DDC: variants seen among roughly 807,000 people sequenced by gnomAD.
The protein encoded by DDC is aromatic-L-amino-acid decarboxylase.
In DDC, 43 loss-of-function variants were observed where a neutral mutation model predicts 60.0. That is an observed-to-expected ratio of 0.72 (90% CI 0.56 to 0.92). The LOEUF (loss-of-function observed/expected upper bound fraction) is 0.92, where lower values mean the gene tolerates loss of function less well. Among genes scored for constraint, DDC ranks in the 40% least tolerant of loss-of-function variants. The probability of loss-of-function intolerance (pLI) is 0.00; values close to 1 mark genes in which losing one functional copy is unlikely to be tolerated. For synonymous variants in DDC, 232 were observed against 234.6 expected, an observed-to-expected ratio of 0.99 and a Z score of 0.10; for missense variants, 573 against 620.2, an observed-to-expected ratio of 0.92 and a Z score of 0.81.
intron 7 of DDC, 142 bp from the exon 8 acceptor site, chr7:50,499,384 GC>G: frequency 2.9e-6 from 2 of 698,710 alleles, no homozygotes; most frequent in South Asian, 1.5e-5. Flanking sequence ...TCCCCAAAAG[GC>G]CCCCTCATTC....
intron 9 of DDC, among the ~76,000 whole-genome samples, chr7:50,483,859 G>A (rs544315192): frequency 2.5e-4 from 38 of 150,932 alleles, no homozygotes; most frequent in African/African-American, 8.3e-4. Flanking sequence ...AGCCAAGATC[G>A]CGCTACTGCA....
chr7:50,499,490 C>T (rs2043201554), intron 7 of DDC, among the ~76,000 whole-genome samples: 1 of 152,172 alleles, frequency 6.6e-6, no homozygotes, highest in Admixed American at 6.5e-5. Context: ...TCTCTCCTGA[C>T]CCTGGCGGCT....
chr7:50,461,057 A>T (rs2042262757), intron 14 of DDC, among the ~76,000 whole-genome samples: 1 of 149,896 alleles, frequency 6.7e-6, no homozygotes, highest in Admixed American at 6.6e-5. Flanking sequence ...AAAAAAAAAA[A>T]TAAATAAATA....
intron 7 of DDC, among the ~76,000 whole-genome samples, chr7:50,502,653 CCA>C (rs1163838525): frequency 6.6e-6 from 1 of 152,222 alleles, no homozygotes; most frequent in East Asian, 1.9e-4. Flanking sequence ...CAGCTGTGTG[CCA>C]CAGAGCATAA....
At chr7:50,484,332 T>C (rs547195340) in intron 9 of DDC, among the ~76,000 whole-genome samples, 3 of 152,374 alleles carry the variant, frequency 2.0e-5, no homozygotes, top group Admixed American at 6.5e-5. Context: ...TGGAGGTTTA[T>C]TTTGTTGCTG....
At chr7:50,504,769 C>T (rs145893366) in intron 6 of DDC, among the ~76,000 whole-genome samples, 7 of 152,180 alleles carry the variant, frequency 4.6e-5, no homozygotes, top group African/African-American at 9.6e-5. Context: ...GCAGAGCAAG[C>T]GCAGTAGAGA....
intron 1 of DDC, among the ~76,000 whole-genome samples, chr7:50,550,486 G>A (rs754392592): frequency 2.0e-5 from 3 of 152,132 alleles, no homozygotes; most frequent in Non-Finnish European, 2.9e-5. Flanking sequence ...ATTTGAGACA[G>A]GTCTCAGTTA....
At position 50,468,931 on chromosome 7, in the gene DDC, A is replaced by AT. The variant is rs36005269; in HGVS notation, c.1140+1141dup. Among the ~76,000 whole-genome samples the AT allele has an allele frequency of 5.6e-3, 483 of 86,122 alleles. 6 individuals are homozygous for AT. Among genetic ancestry groups the AT allele is most frequent in the African/African-American group, 8.7e-3 (199 of 22,872 alleles). The allele number at this position is 86,122 out of a possible 152,430, so 56.5% of individuals were successfully genotyped here. ...CTCATATTCAGGACTCAGTTTCCTC[A>AT]TTTTTTTTTTTTTTTTTTTTTTTGG... On this transcript the variant is annotated intron_variant, in intron 12 of 14. Transcript: ENST00000444124.
At chr7:50,495,645 A>T (rs1002109635) in intron 8 of DDC, among the ~76,000 whole-genome samples, 2 of 152,064 alleles carry the variant, frequency 1.3e-5, no homozygotes, top group African/African-American at 4.8e-5. Context: ...GGGGGTGGGT[A>T]TATGTATTTA....
At chr7:50,540,349 A>G (rs1342988803) in intron 2 of DDC, among the ~76,000 whole-genome samples, 5 of 152,268 alleles carry the variant, frequency 3.3e-5, no homozygotes, top group Admixed American at 6.5e-5. Context: ...AAGAAGTCTC[A>G]AAAAACCACA....
chr7:50,543,996 G>A lies in DDC; in HGVS notation c.90C>T (p.Tyr30=), dbSNP rs763016366. 6.2e-7 allele frequency: 1 copy of A among 1,614,058 alleles called. No homozygotes were observed. The highest frequency in any genetic ancestry group is 8.5e-7 in the Non-Finnish European group (1 of 1,179,932). Residue 30 remains tyrosine (Y), a synonymous_variant, in exon 2 of 15, where the codon TAC becomes TAT. Transcript: ENST00000444124. ...YMEGIEGRQV[Y]PDVEPGYLRP... ...GCAGGTACCCGGGCTCCACGTCAGG[G>A]TAGACCTGGCGTCCCTCAATGCCTT...
intron 6 of DDC, among the ~76,000 whole-genome samples, chr7:50,510,951 G>A (rs7781950): frequency 0.45 from 61,643 of 137,968 alleles, 14,408 homozygotes; most frequent in Non-Finnish European, 0.53. Flanking sequence ...ACTGCACTCC[G>A]GCCTGGGCGA....
chr7:50,560,126 T>A (rs1295762944), intron 1 of DDC, among the ~76,000 whole-genome samples: 2 of 152,196 alleles, frequency 1.3e-5, no homozygotes, highest in African/African-American at 4.8e-5. Context: ...CCAGCAGGAC[T>A]CCGGTGCCCC....
At chr7:50,493,504 A>C (rs1482446089) in intron 9 of DDC, among the ~76,000 whole-genome samples, 2 of 151,992 alleles carry the variant, frequency 1.3e-5, no homozygotes, top group East Asian at 3.9e-4. Flanking sequence ...CTGACCAAAA[A>C]CCTCAGCAGA....
intron 6 of DDC, among the ~76,000 whole-genome samples, chr7:50,515,011 A>C (rs545496908): frequency 6.6e-5 from 10 of 152,184 alleles, no homozygotes; most frequent in Non-Finnish European, 1.3e-4. Flanking sequence ...ATTGAGGAAA[A>C]TTTCCCCGAC....
chr7:50,518,247 C>T, intron 6 of DDC, among the ~76,000 whole-genome samples: 1 of 148,166 alleles, frequency 6.7e-6, no homozygotes, highest in South Asian at 2.1e-4. Flanking sequence ...ATGACACAAA[C>T]AAATGGAAAC....
chr7:50,532,574 T>A lies in DDC; in HGVS notation c.436-3232A>T, dbSNP rs531961681. On this transcript the variant is annotated intron_variant, in intron 4 of 14. Coordinates refer to ENST00000444124, the MANE Select transcript of DDC (RefSeq NM_001082971.2). ...AACTTTCTGGGACTCAATATCCTCA[T>A]CCATGAAAAAGATTGTCCATAATCC... Among the ~76,000 whole-genome samples, 26 of 152,258 alleles carry A rather than the reference T, an allele frequency of 1.7e-4. No homozygotes were observed. The South Asian group carries it at 5.4e-3, about 32-fold the overall frequency.
chr7:50,522,555 G>A (rs1044534283), intron 6 of DDC, among the ~76,000 whole-genome samples: 1 of 152,152 alleles, frequency 6.6e-6, no homozygotes, highest in Non-Finnish European at 1.5e-5. Context: ...TATGGTATTG[G>A]CAAAGGAAGA....
intron 1 of DDC, among the ~76,000 whole-genome samples, chr7:50,557,198 C>A (rs1354644375): frequency 2.0e-5 from 3 of 152,220 alleles, no homozygotes; most frequent in African/African-American, 7.2e-5. Flanking sequence ...GAGCTTTGTG[C>A]AGCTGTTTCT....
Sources: allele counts gnomAD v4.1 joint callset (sites outside exome capture counted in the v4.1 genomes callset), GRCh38; gene constraint gnomAD v4.1.1; transcripts MANE v1.5; gene names NCBI Gene and HGNC (gene_info 2026-07-23, HGNC 2026-07-21).